Variants in ASPH observed in about 807,000 individuals in gnomAD.
The protein encoded by ASPH is aspartate beta-hydroxylase.
In ASPH, 100 loss-of-function variants were observed where a neutral mutation model predicts 118.4. The ratio of observed to expected loss-of-function variants is 0.84; its 90% CI spans 0.72 to 1.00. The LOEUF (loss-of-function observed/expected upper bound fraction) is 1.00, where lower values mean the gene tolerates loss of function less well. ASPH is among the 50% of genes least tolerant of loss of function. ASPH has a pLI of 0.00. For synonymous variants in ASPH, 315 were observed against 325.6 expected (o/e 0.97, Z 0.35); for missense variants, 920 against 919.5 (o/e 1.00, Z -0.01).
intron 10 of ASPH, 88 bp downstream of exon 10, chr8:61,642,800 G>C: frequency 8.5e-7 from 1 of 1,175,456 alleles, no homozygotes; most frequent in Non-Finnish European, 1.2e-6. Flanking sequence ...GGCCAAGATT[G>C]TGCCACTGCA....
chr8:61,549,613 G>A (rs1220354907), intron 20 of ASPH, among the ~76,000 whole-genome samples: 2 of 152,060 alleles, frequency 1.3e-5, no homozygotes, highest in African/African-American at 2.4e-5. Context: ...ATGGCTAATT[G>A]TTATCTAATT....
Position 61,696,044 on chromosome 8 carries a change from C to T in ASPH, c.104-11856G>A, listed in dbSNP as rs532835732. ...TAGACTCTGATTTCAGACTCAGATT[C>T]GTCCCTTCACCAAGTTTTCACAGTT... On this transcript the variant is annotated intron_variant, in intron 1 of 24. Transcript: ENST00000379454. Among the ~76,000 whole-genome samples the T allele has an allele frequency of 1.0e-3, 153 of 152,274 alleles. 1 individual carries two copies. The highest frequency in any genetic ancestry group is 3.4e-3 in the African/African-American group (143 of 41,542).
chr8:61,650,262 A>C (rs1810270173), intron 5 of ASPH, among the ~76,000 whole-genome samples: 2 of 152,200 alleles, frequency 1.3e-5, no homozygotes, highest in African/African-American at 2.4e-5. Context: ...AAATAAAGGC[A>C]TACAGGCTCC....
chr8:61,503,276 C>G lies in ASPH; in HGVS notation c.*83G>C. 1 of 1,463,530 alleles carries G rather than the reference C, an allele frequency of 6.8e-7. No homozygotes were observed. The allele number at this position is 1,463,530 out of a possible 1,614,324, so 90.7% of individuals were successfully genotyped here. A position where few individuals can be genotyped will look rare whatever the true frequency, so the allele number is the denominator to read the frequency against. ...GTCAAGGGAATTGACTCTTGGTGTT[C>G]GAAATTCTATCCTCACACCCAAGGA... is the stretch of plus-strand genomic sequence containing the variant. On this transcript the variant is annotated 3_prime_UTR_variant, in exon 25 of 25. Transcript: ENST00000379454.
intron 15 of ASPH, chr8:61,579,357 G>A (rs369261437): frequency 2.4e-5 from 38 of 1,614,102 alleles, no homozygotes; most frequent in South Asian, 4.4e-5. Flanking sequence ...GCTGATGAAC[G>A]TCAAGCTGGC....
In ASPH at chr8:61,641,491, G is replaced by A. The variant is rs143605577; in HGVS notation, c.790+1397C>T. 6.4e-3 allele frequency among the ~76,000 whole-genome samples: 973 copies of A among 151,884 alleles called. 10 individuals carry two copies. Among genetic ancestry groups the A allele is most frequent in the African/African-American group, 0.017 (700 of 41,392 alleles). ...CCAAATTATTCCCCAACCTTCCCTC[G>A]GCCCCAAATCTTCCTGTGAACACAT... On this transcript the variant is annotated intron_variant, in intron 10 of 24. Coordinates refer to ENST00000379454, the MANE Select transcript of ASPH (RefSeq NM_004318.4).
chr8:61,617,746 A>C lies in ASPH; in HGVS notation c.976+1232T>G, dbSNP rs187817466. ...CAGGAGTTTGAGACCAGCCTGGCCA[A>C]CATGGTGAAACCCTGTCTCTACTTA... is the stretch of plus-strand genomic sequence containing the variant. On this transcript the variant is annotated intron_variant, in intron 14 of 24. Coordinates refer to ENST00000379454, the MANE Select transcript of ASPH (RefSeq NM_004318.4). Among the ~76,000 whole-genome samples, 11 of 152,200 alleles carry C rather than the reference A, an allele frequency of 7.2e-5. No homozygotes were observed. The East Asian group carries it at 2.1e-3, about 29-fold the overall frequency.
chr8:61,548,583 G>T (rs1438884892), intron 20 of ASPH, among the ~76,000 whole-genome samples: 1 of 152,126 alleles, frequency 6.6e-6, no homozygotes, highest in Non-Finnish European at 1.5e-5. Flanking sequence ...ATTAGAAAAA[G>T]ATTATGATTT....
At chr8:61,704,841 T>C (rs1247957723) in intron 1 of ASPH, among the ~76,000 whole-genome samples, 1 of 152,170 alleles carries the variant, frequency 6.6e-6, no homozygotes, top group Non-Finnish European at 1.5e-5. Context: ...GGTACATATG[T>C]AGAACAACCA....
intron 1 of ASPH, among the ~76,000 whole-genome samples, chr8:61,697,267 G>A (rs558642301): frequency 2.0e-5 from 3 of 152,154 alleles, no homozygotes; most frequent in African/African-American, 7.2e-5. Context: ...AGGATATTGG[G>A]AAAACTCTAT....
intron 1 of ASPH, among the ~76,000 whole-genome samples, chr8:61,699,845 G>A (rs1236115963): frequency 1.3e-5 from 2 of 152,196 alleles, no homozygotes; most frequent in African/African-American, 4.8e-5. Flanking sequence ...TCATTCCCCA[G>A]TGGATGTCCA....
intron 10 of ASPH, among the ~76,000 whole-genome samples, chr8:61,641,671 T>C (rs1382889457): frequency 6.6e-6 from 1 of 152,162 alleles, no homozygotes; most frequent in Admixed American, 6.5e-5. Context: ...CATATAAATA[T>C]GATTCATATT....
chr8:61,594,796 T>C (rs1842091740), intron 14 of ASPH, among the ~76,000 whole-genome samples: 1 of 152,216 alleles, frequency 6.6e-6, no homozygotes, highest in Admixed American at 6.5e-5. Flanking sequence ...TTTGGTACTA[T>C]TCATAGTTTT....
chr8:61,668,856 C>T (rs1173249872), intron 3 of ASPH, among the ~76,000 whole-genome samples: 1 of 152,160 alleles, frequency 6.6e-6, no homozygotes, highest in African/African-American at 2.4e-5. Context: ...CTTTCTATTT[C>T]CTCTCTTGGC....
chr8:61,557,882 C>T (rs4737589), intron 18 of ASPH, among the ~76,000 whole-genome samples: 87,506 of 152,102 alleles, frequency 0.58, 27,621 homozygotes, highest in Non-Finnish European at 0.71. Context: ...TAAATTGACA[C>T]AGATGATGAT....
chr8:61,674,131 G>C (rs1563522148), intron 3 of ASPH, among the ~76,000 whole-genome samples: 1 of 152,118 alleles, frequency 6.6e-6, no homozygotes, highest in Non-Finnish European at 1.5e-5. Flanking sequence ...ATATCTTCTA[G>C]TGTTAGTAGT....
intron 14 of ASPH, among the ~76,000 whole-genome samples, chr8:61,609,093 C>T (rs1006509632): frequency 6.6e-6 from 1 of 152,180 alleles, no homozygotes; most frequent in Non-Finnish European, 1.5e-5. Flanking sequence ...AGCATTATGG[C>T]AGGTGATACA....
rs565028747 is a variant in ASPH at position 61,624,613 on chromosome 8, T to C, written c.935-5594A>G. The C allele has an allele frequency of 2.0e-5, 20 of 985,386 alleles. No homozygotes were observed. In the African/African-American group the frequency reaches 3.5e-4, roughly 17 times the overall value. 61.0% of individuals were successfully genotyped at this position (985,386 alleles called of 1,614,324 possible). A position where few individuals can be genotyped will look rare whatever the true frequency, so the allele number is the denominator to read the frequency against. On this transcript the variant is annotated intron_variant, in intron 13 of 24. Coordinates refer to ENST00000379454, the MANE Select transcript of ASPH (RefSeq NM_004318.4). Reference sequence around the variant, plus strand: ...ATTATTTTTAGAAAATCCACCGATGTTGCACAATGGCACATATTTGTAAAG... The same window carrying C: ...ATTATTTTTAGAAAATCCACCGATGCTGCACAATGGCACATATTTGTAAAG...
At chr8:61,507,173 A>C (rs1806940435) in intron 24 of ASPH, among the ~76,000 whole-genome samples, 7 of 152,198 alleles carry the variant, frequency 4.6e-5, no homozygotes, top group Admixed American at 4.6e-4. Flanking sequence ...TTAGCACCGG[A>C]ACACGCTGGT....
Sources: gnomAD v4.1 joint callset for allele counts (sites outside exome capture counted in the v4.1 genomes callset) on GRCh38, gnomAD v4.1.1 for gene constraint, MANE v1.5 for transcripts, NCBI Gene and HGNC (gene_info 2026-07-23, HGNC 2026-07-21) for gene names.